IL10RB: variants seen among roughly 807,000 people sequenced by gnomAD.
IL10RB encodes the protein interleukin-10 receptor subunit beta.
Under a neutral mutation model 38.7 loss-of-function variants are expected in IL10RB, and 30 were observed. The ratio of observed to expected loss-of-function variants is 0.78; its 90% CI spans 0.58 to 1.05. IL10RB has a LOEUF of 1.05. IL10RB is among the 50% of genes least tolerant of loss of function. The probability of loss-of-function intolerance (pLI) is 0.00; values close to 1 mark genes in which losing one functional copy is unlikely to be tolerated. For missense variants in IL10RB, 328 were observed against 397.1 expected (o/e 0.83, Z 1.48); for synonymous variants, 142 against 145.9 (o/e 0.97, Z 0.19).
intron 6 of IL10RB, among the ~76,000 whole-genome samples, chr21:33,292,477 G>A (rs963326486): frequency 6.6e-6 from 1 of 152,106 alleles, no homozygotes; most frequent in African/African-American, 2.4e-5. Flanking sequence ...GGGGTAGAGG[G>A]GACAGGAGTC....
intron 1 of IL10RB, among the ~76,000 whole-genome samples, chr21:33,304,760 T>C (rs1363301637): frequency 1.3e-5 from 2 of 152,238 alleles, no homozygotes; most frequent in African/African-American, 2.4e-5. Context: ...GTTGACTGAA[T>C]TGATCAGCAC....
At position 33,296,344 on chromosome 21, in the gene IL10RB, G is replaced by A. The variant is rs2082966050; in HGVS notation, c.965G>A (p.Gly322Glu). ...SCSLGTPPGQ[G>E]PQS ...AGCCTCGGGACCCCGCCTGGGCAGG[G>A]GCCCCAAAGCTAGGCTCTGAGAAGG... Residue 322 changes from glycine (G) to glutamate (E), a missense_variant, in exon 7 of 7, where the codon GGG becomes GAG. Physicochemically the swap from Gly to Glu is moderately conservative, Grantham distance 98. Transcript: ENST00000290200. 1 of 1,613,468 alleles carries A rather than the reference G, an allele frequency of 6.2e-7. No homozygotes were observed. Among genetic ancestry groups the A allele is most frequent in the East Asian group, 2.2e-5 (1 of 44,872 alleles).
At chr21:33,298,222 C>G (rs1448346431), downstream of IL10RB, among the ~76,000 whole-genome samples, 1 of 152,210 alleles carries the variant, frequency 6.6e-6, no homozygotes, top group Admixed American at 6.5e-5. Flanking sequence ...TTTACCTAAT[C>G]AGTCTAGCTG....
At chr21:33,284,632 C>T (rs888148504) in intron 5 of IL10RB, among the ~76,000 whole-genome samples, 7 of 152,136 alleles carry the variant, frequency 4.6e-5, no homozygotes, top group Admixed American at 3.9e-4. Flanking sequence ...TGGGAGGTGA[C>T]GGGATCATGG....
intron 1 of IL10RB, among the ~76,000 whole-genome samples, chr21:33,304,054 G>T (rs567293254): frequency 6.6e-6 from 1 of 152,158 alleles, no homozygotes; most frequent in African/African-American, 2.4e-5. Context: ...GCCAGAGCCC[G>T]CTAGAAAACC....
chr21:33,303,026 T>G (rs1160064916), intron 1 of IL10RB, among the ~76,000 whole-genome samples: 1 of 152,188 alleles, frequency 6.6e-6, no homozygotes, highest in African/African-American at 2.4e-5. Context: ...TATGCACACC[T>G]GTGTTCCCAG....
intron 4 of IL10RB, 65 bp downstream of exon 4, chr21:33,279,983 G>A: frequency 6.9e-7 from 1 of 1,443,348 alleles, no homozygotes; most frequent in African/African-American, 1.4e-5. Flanking sequence ...ATCTTGCAAG[G>A]TGGCAGCACC....
chr21:33,300,740 C>T (rs979363764), downstream of IL10RB, among the ~76,000 whole-genome samples: 10 of 152,118 alleles, frequency 6.6e-5, no homozygotes, highest in Non-Finnish European at 1.5e-4. Context: ...CATGTGAGGA[C>T]ACAGAGAAGG....
intron 6 of IL10RB, among the ~76,000 whole-genome samples, chr21:33,292,787 A>G (rs1989514448): frequency 1.3e-5 from 2 of 152,330 alleles, no homozygotes; most frequent in South Asian, 4.1e-4. Flanking sequence ...CTTCAAGGAT[A>G]TGCGAAGTCA....
chr21:33,268,087 T>G, intron 1 of IL10RB: 1 of 582,798 alleles, frequency 1.7e-6, no homozygotes. Flanking sequence ...CAGTTTGTTT[T>G]TACGTCTGGA....
At chr21:33,299,444 G>A (rs1256833964), downstream of IL10RB, among the ~76,000 whole-genome samples, 1 of 152,204 alleles carries the variant, frequency 6.6e-6, no homozygotes, top group Non-Finnish European at 1.5e-5. Context: ...GATTCCCTGA[G>A]GGGAAGACAG....
At chr21:33,299,852 C>G (rs2082981339), downstream of IL10RB, among the ~76,000 whole-genome samples, 1 of 152,218 alleles carries the variant, frequency 6.6e-6, no homozygotes, top group Non-Finnish European at 1.5e-5. Flanking sequence ...ACCTGCACTT[C>G]TGTGTGACCT....
chr21:33,276,953 A>T (rs141734543), intron 3 of IL10RB, among the ~76,000 whole-genome samples, 200 bp downstream of exon 3: 1 of 152,212 alleles, frequency 6.6e-6, no homozygotes, highest in African/African-American at 2.4e-5. Flanking sequence ...CATATCATCA[A>T]TGCAACAATT....
chr21:33,298,828 G>A (rs969976111), downstream of IL10RB, among the ~76,000 whole-genome samples: 1 of 152,176 alleles, frequency 6.6e-6, no homozygotes, highest in Non-Finnish European at 1.5e-5. Flanking sequence ...GAATGCGGCA[G>A]CTGTGCCAAT....
At chr21:33,268,936 A>G (rs1601826709) in intron 2 of IL10RB, among the ~76,000 whole-genome samples, 1 of 152,118 alleles carries the variant, frequency 6.6e-6, no homozygotes, top group Non-Finnish European at 1.5e-5. Context: ...GATGCTACCC[A>G]AGAAACTGAG....
At chr21:33,293,770 G>A (rs1295461849) in intron 6 of IL10RB, among the ~76,000 whole-genome samples, 1 of 150,404 alleles carries the variant, frequency 6.6e-6, no homozygotes, top group Non-Finnish European at 1.5e-5. Context: ...TCGCGCCACC[G>A]CACTCCAGCC....
chr21:33,290,145 A>T (rs1209394008), intron 6 of IL10RB, among the ~76,000 whole-genome samples: 1 of 150,122 alleles, frequency 6.7e-6, no homozygotes, highest in African/African-American at 2.4e-5. Context: ...ACAAAAATTA[A>T]CCCGGCATGC....
chr21:33,268,118 G>C, intron 1 of IL10RB: 1 of 824,208 alleles, frequency 1.2e-6, no homozygotes, highest in South Asian at 1.8e-5. Context: ...AAATCCATGT[G>C]CCCACCCTAC....
At chr21:33,287,122 T>C (rs1456194606) in intron 5 of IL10RB, among the ~76,000 whole-genome samples, 2 of 152,136 alleles carry the variant, frequency 1.3e-5, no homozygotes, top group African/African-American at 4.8e-5. Context: ...TTGTGGGAGA[T>C]ACATACATGT....
Sources: allele counts gnomAD v4.1 joint callset (sites outside exome capture counted in the v4.1 genomes callset), GRCh38; gene constraint gnomAD v4.1.1; transcripts MANE v1.5; gene names NCBI Gene and HGNC (gene_info 2026-07-23, HGNC 2026-07-21).